The following DUSP29 variants were observed in gnomAD, a reference collection of about 807,000 sequenced individuals.
DUSP29 encodes atypical dual-specific protein phosphatase.
In DUSP29, 12 loss-of-function variants were observed where a neutral mutation model predicts 13.5. The ratio of observed to expected loss-of-function variants is 0.89; its 90% CI spans 0.57 to 1.44. DUSP29 has a LOEUF of 1.44. Among genes scored for constraint, DUSP29 ranks in the 40% most tolerant of loss-of-function variants. The probability of loss-of-function intolerance (pLI) is 0.00; values close to 1 mark genes in which losing one functional copy is unlikely to be tolerated. For synonymous variants in DUSP29, 134 were observed against 128.7 expected (o/e 1.04, Z -0.28); for missense variants, 308 against 301.1 (o/e 1.02, Z -0.17).
intron 3 of DUSP29, among the ~76,000 whole-genome samples, chr10:75,041,740 TC>T (rs1380630148): frequency 6.6e-6 from 1 of 152,170 alleles, no homozygotes; most frequent in Non-Finnish European, 1.5e-5. Context: ...ATTCATTCTA[TC>T]CCACTCATAG....
rs574016736 is a variant in DUSP29, at chr10:75,044,017, C to A, written c.201G>T (p.Glu67Asp). Reference sequence around the variant, plus strand: ...GCCTATAGCGGTCCAGCGCCGTCGCCCTGGGCGCAGGGGAGAGAAATCTGT... The same window carrying A: ...GCCTATAGCGGTCCAGCGCCGTCGCACTGGGCGCAGGGGAGAGAAATCTGT... ...EVWPKLYIGDEATALDRYRLQ... is the reference protein window; with the variant it reads ...EVWPKLYIGDDATALDRYRLQ... The change falls in exon 3 of 4, where the codon GAG (glutamate) becomes GAT (aspartate). Residue 67 changes from glutamate to aspartate, a missense_variant and splice_region_variant. By Grantham distance (45) the Glu-to-Asp change is conservative. Coordinates refer to ENST00000338487, the MANE Select transcript of DUSP29 (RefSeq NM_001003892.3). 1.7e-5 allele frequency: 28 copies of A among 1,608,120 alleles called. No individual in the cohort carries two copies. The East Asian group carries it at 5.1e-4, about 29-fold the overall frequency.
At chr10:75,047,112 G>A (rs1306247478) in intron 2 of DUSP29, among the ~76,000 whole-genome samples, 2 of 152,172 alleles carry the variant, frequency 1.3e-5, no homozygotes, top group Non-Finnish European at 2.9e-5. Flanking sequence ...AGAGAAAGGG[G>A]CTCGTGAGGA....
chr10:75,043,913 C>T lies in DUSP29; in HGVS notation c.305G>A (p.Arg102His). The T allele has an allele frequency of 1.2e-6, 2 of 1,613,978 alleles. No individual in the cohort carries two copies. Among genetic ancestry groups the T allele is most frequent in the Non-Finnish European group, 1.7e-6 (2 of 1,179,952 alleles). Residue 102 changes from arginine to histidine, a missense_variant, in exon 3 of 4, where the codon CGC becomes CAC. By Grantham distance (29) the Arg-to-His change is conservative. Coordinates refer to ENST00000338487, the MANE Select transcript of DUSP29 (RefSeq NM_001003892.3). ...WNVDTGPDYY[R>H]DMDIQYHGVE... ...GCCGTGGTACTGGATGTCCATGTCG[C>T]GGTAGTAGTCGGGCCCAGTGTCCAC...
At chr10:75,049,022 TA>T (rs977832481) in intron 2 of DUSP29, among the ~76,000 whole-genome samples, 13 of 152,224 alleles carry the variant, frequency 8.5e-5, no homozygotes, top group African/African-American at 2.9e-4. Context: ...TTTGAGAGGT[TA>T]AAAGATGACT....
intron 1 of DUSP29, among the ~76,000 whole-genome samples, chr10:75,065,876 A>ATTTTT (rs1230999719): frequency 1.4e-5 from 2 of 146,364 alleles, no homozygotes; most frequent in African/African-American, 2.6e-5. Flanking sequence ...TATTATTATC[A>ATTTTT]TTTATTTTAT....
chr10:75,047,977 C>T (rs1385111937), intron 2 of DUSP29, among the ~76,000 whole-genome samples: 1 of 152,162 alleles, frequency 6.6e-6, no homozygotes, highest in African/African-American at 2.4e-5. Flanking sequence ...AAACATCTTC[C>T]TGTGGCAACA....
intron 1 of DUSP29, among the ~76,000 whole-genome samples, chr10:75,070,035 G>A (rs1356189219): frequency 6.7e-6 from 1 of 148,820 alleles, no homozygotes; most frequent in African/African-American, 2.5e-5. Flanking sequence ...GGGTGACAGA[G>A]TGAGACCTTG....
intron 2 of DUSP29, among the ~76,000 whole-genome samples, chr10:75,048,050 A>T (rs534102688): frequency 3.9e-5 from 6 of 152,196 alleles, no homozygotes; most frequent in African/African-American, 1.4e-4. Flanking sequence ...TTTTCTTACC[A>T]AACATTTTGA....
At chr10:75,049,992 C>A (rs968465738) in intron 2 of DUSP29, among the ~76,000 whole-genome samples, 2 of 152,236 alleles carry the variant, frequency 1.3e-5, no homozygotes, top group African/African-American at 2.4e-5. Context: ...AAATAAGGAG[C>A]TCCTGAGGGC....
At chr10:75,044,548 G>A (rs377742288) in intron 2 of DUSP29, among the ~76,000 whole-genome samples, 5 of 152,234 alleles carry the variant, frequency 3.3e-5, no homozygotes, top group South Asian at 4.1e-4. Context: ...ACGGGAAAGT[G>A]TTGCTTTGGG....
At chr10:75,072,764 G>A (rs7923378) in intron 1 of DUSP29, among the ~76,000 whole-genome samples, 13,059 of 151,868 alleles carry the variant, frequency 0.086, 1,327 homozygotes, top group African/African-American at 0.25. Context: ...TTTCCCGAAC[G>A]ATCAGAGCCC....
At chr10:75,056,230 CT>C (rs1846955579) in intron 2 of DUSP29, among the ~76,000 whole-genome samples, 1 of 151,840 alleles carries the variant, frequency 6.6e-6, no homozygotes, top group Non-Finnish European at 1.5e-5. Context: ...TTTTTAATTG[CT>C]TAAAAAATAT....
At chr10:75,055,581 G>C (rs1276478933) in intron 2 of DUSP29, among the ~76,000 whole-genome samples, 1 of 152,190 alleles carries the variant, frequency 6.6e-6, no homozygotes. Context: ...CAGGGCCTGA[G>C]AGGCAGGTAG....
At chr10:75,065,876 ATTTATTTTAT>A (rs1037930325) in intron 1 of DUSP29, among the ~76,000 whole-genome samples, 13 of 146,364 alleles carry the variant, frequency 8.9e-5, no homozygotes, top group African/African-American at 1.3e-4. Flanking sequence ...TATTATTATC[ATTTATTTTAT>A]TTTATTTTAT....
rs1252527446 is a variant in DUSP29, at chr10:75,073,223, C to T, written c.-35+346G>A. On this transcript the variant is annotated intron_variant, in intron 1 of 3. Transcript: ENST00000338487. ...TCTCTCTCGCCCCCGAGATTTCTCC[C>T]CCTTTACTGGCTAAATGGACAAACG... Among the ~76,000 whole-genome samples the T allele has an allele frequency of 2.0e-5, 3 of 152,132 alleles. No homozygotes were observed. In the East Asian group the frequency reaches 5.8e-4, roughly 29 times the overall value.
At chr10:75,039,224 T>C (rs1029368432) in intron 3 of DUSP29, among the ~76,000 whole-genome samples, 1 of 152,188 alleles carries the variant, frequency 6.6e-6, no homozygotes, top group Non-Finnish European at 1.5e-5. Flanking sequence ...GAGGCATGCC[T>C]GACCACAGTT....
At chr10:75,041,754 T>C (rs1846589624) in intron 3 of DUSP29, among the ~76,000 whole-genome samples, 1 of 152,192 alleles carries the variant, frequency 6.6e-6, no homozygotes, top group Non-Finnish European at 1.5e-5. Context: ...ACTCATAGTC[T>C]CTGATCCAAG....
intron 1 of DUSP29, among the ~76,000 whole-genome samples, chr10:75,065,592 G>A (rs1847182773): frequency 6.6e-6 from 1 of 152,118 alleles, no homozygotes; most frequent in South Asian, 2.1e-4. Context: ...GCCTCTCAAA[G>A]TGCTGGGATT....
intron 2 of DUSP29, among the ~76,000 whole-genome samples, chr10:75,051,384 GA>G (rs1363017028): frequency 1.3e-5 from 2 of 152,242 alleles, no homozygotes; most frequent in East Asian, 3.8e-4. Flanking sequence ...CATAGGCGAA[GA>G]AGCTGAAAGT....
Sources: allele counts gnomAD v4.1 joint callset (sites outside exome capture counted in the v4.1 genomes callset), GRCh38; gene constraint gnomAD v4.1.1; transcripts MANE v1.5; gene names NCBI Gene and HGNC (gene_info 2026-07-23, HGNC 2026-07-21).